The following FHIT variants were observed in gnomAD, a reference collection of about 807,000 sequenced individuals.
The protein encoded by FHIT is bis(5'-adenosyl)-triphosphatase.
A neutral mutation model predicts 17.9 loss-of-function variants in FHIT; 19 were observed. That is an observed-to-expected ratio of 1.06 (90% CI 0.74 to 1.56). FHIT has a LOEUF of 1.56. Among genes scored for constraint, FHIT ranks in the 40% most tolerant of loss-of-function variants. The probability of loss-of-function intolerance (pLI) is 0.00; values close to 1 mark genes in which losing one functional copy is unlikely to be tolerated. For missense variants in FHIT, 248 were observed against 189.2 expected (o/e 1.31, Z -1.82); for synonymous variants, 81 against 69.7 (o/e 1.16, Z -0.81).
intron 8 of FHIT, among the ~76,000 whole-genome samples, chr3:59,788,875 T>G (rs1397732380): frequency 7.9e-6 from 1 of 127,320 alleles, no homozygotes; most frequent in Admixed American, 8.5e-5. Flanking sequence ...TTTGCTGAGT[T>G]CATATGTTTT....
chr3:60,609,836 T>C (rs1448792989), intron 4 of FHIT, among the ~76,000 whole-genome samples: 4 of 152,170 alleles, frequency 2.6e-5, no homozygotes, highest in African/African-American at 7.2e-5. Flanking sequence ...GAGTTCCTGC[T>C]ATCTCAACAA....
At chr3:59,977,303 T>A (rs1708457543) in intron 7 of FHIT, among the ~76,000 whole-genome samples, 1 of 152,146 alleles carries the variant, frequency 6.6e-6, no homozygotes, top group Non-Finnish European at 1.5e-5. Flanking sequence ...AGGCCTCTTT[T>A]CAAGCTACTT....
chr3:60,887,284 G>C (rs1553759477), intron 3 of FHIT, among the ~76,000 whole-genome samples: 1 of 152,028 alleles, frequency 6.6e-6, no homozygotes, highest in East Asian at 1.9e-4. Context: ...CTTTTGTTTT[G>C]TTTTGTTTTT....
chr3:60,576,964 A>ACG (rs2037589505), intron 4 of FHIT, among the ~76,000 whole-genome samples: 1 of 151,490 alleles, frequency 6.6e-6, no homozygotes, highest in African/African-American at 2.4e-5. Flanking sequence ...ACACACACAC[A>ACG]CACACACACA....
At position 60,991,990 on chromosome 3, in the gene FHIT, T is replaced by C. The variant is rs184686679; in HGVS notation, c.-111+50057A>G. Among the ~76,000 whole-genome samples the C allele has an allele frequency of 7.9e-5, 12 of 152,216 alleles. No homozygotes were observed. In the East Asian group the frequency reaches 2.3e-3, roughly 29 times the overall value. On this transcript the variant is annotated intron_variant, in intron 3 of 9. Transcript: ENST00000492590. ...TCACCTCTTTAATGTCCTGAAGACA[T>C]TAGGTAGAATCTAGACCAAAACAGA...
At chr3:60,364,154 T>C (rs986800035) in intron 5 of FHIT, among the ~76,000 whole-genome samples, 1 of 152,248 alleles carries the variant, frequency 6.6e-6, no homozygotes, top group Non-Finnish European at 1.5e-5. Context: ...GGAACTCTGA[T>C]ACAGCCTTTC....
chr3:60,959,488 G>T (rs113460786), intron 3 of FHIT, among the ~76,000 whole-genome samples: 70 of 152,288 alleles, frequency 4.6e-4, no homozygotes, highest in Middle Eastern at 3.4e-3. Context: ...ATTATATGTG[G>T]TTTCTGAACA....
intron 8 of FHIT, among the ~76,000 whole-genome samples, chr3:59,770,756 G>A (rs2106829754): frequency 6.6e-6 from 1 of 152,264 alleles, no homozygotes. Flanking sequence ...AGATGCCAAG[G>A]CTCAGAAAAG....
At chr3:60,735,595 A>G (rs192557884) in intron 4 of FHIT, among the ~76,000 whole-genome samples, 1 of 152,372 alleles carries the variant, frequency 6.6e-6, no homozygotes, top group East Asian at 1.9e-4. Flanking sequence ...TCTAACCACT[A>G]CAAAGTGAGA....
intron 5 of FHIT, among the ~76,000 whole-genome samples, chr3:60,066,140 G>A (rs1015763516): frequency 6.6e-6 from 1 of 152,104 alleles, no homozygotes; most frequent in Non-Finnish European, 1.5e-5. Context: ...GGATGGGATG[G>A]TGGGGATAGT....
intron 5 of FHIT, among the ~76,000 whole-genome samples, chr3:60,189,398 T>G (rs1027866776): frequency 1.4e-4 from 21 of 152,166 alleles, no homozygotes; most frequent in African/African-American, 4.6e-4. Flanking sequence ...ATGTTTTAAT[T>G]TGAGTATCAT....
At chr3:59,829,635 G>A (rs991806660) in intron 8 of FHIT, among the ~76,000 whole-genome samples, 7 of 152,126 alleles carry the variant, frequency 4.6e-5, no homozygotes, top group Non-Finnish European at 7.3e-5. Context: ...TCCATTTCCT[G>A]TTCCCTTGCA....
At chr3:59,948,348 CAA>C (rs35941668) in intron 7 of FHIT, among the ~76,000 whole-genome samples, 5,887 of 116,382 alleles carry the variant, frequency 0.051, 276 homozygotes, top group African/African-American at 0.14. Flanking sequence ...ACTAAAAATA[CAA>C]AAAAAAAAAA....
intron 4 of FHIT, among the ~76,000 whole-genome samples, chr3:60,584,368 C>T (rs1040604674): frequency 6.6e-6 from 1 of 152,096 alleles, no homozygotes; most frequent in Admixed American, 6.6e-5. Flanking sequence ...AACAGACAAA[C>T]TCCTCTTAGA....
chr3:60,073,294 T>C (rs940878600), intron 5 of FHIT, among the ~76,000 whole-genome samples: 6 of 151,828 alleles, frequency 4.0e-5, no homozygotes, highest in Non-Finnish European at 7.4e-5. Flanking sequence ...ATTTTAAGTC[T>C]GTATATAACA....
chr3:61,187,800 T>A (rs546253469), intron 2 of FHIT, among the ~76,000 whole-genome samples: 1 of 152,306 alleles, frequency 6.6e-6, no homozygotes, highest in African/African-American at 2.4e-5. Context: ...CTCAATTACA[T>A]GGAAACTGAA....
intron 4 of FHIT, among the ~76,000 whole-genome samples, chr3:60,745,202 T>C (rs1288245467): frequency 1.3e-5 from 2 of 152,250 alleles, no homozygotes; most frequent in Admixed American, 6.5e-5. Context: ...TAGGAGGCTC[T>C]ATTACAAAGA....
At chr3:60,998,725 C>T (rs2030847927) in intron 3 of FHIT, among the ~76,000 whole-genome samples, 1 of 152,034 alleles carries the variant, frequency 6.6e-6, no homozygotes, top group African/African-American at 2.4e-5. Flanking sequence ...TCTTTTAATG[C>T]ATTTACATTT....
chr3:60,617,133 A>T, intron 4 of FHIT: 1 of 218,870 alleles, frequency 4.6e-6, no homozygotes, highest in South Asian at 7.9e-5. Context: ...GTTCCAAAGG[A>T]GCTAGCAAAG....
Sources: allele counts gnomAD v4.1 joint callset (sites outside exome capture counted in the v4.1 genomes callset), GRCh38; gene constraint gnomAD v4.1.1; transcripts MANE v1.5; gene names NCBI Gene and HGNC (gene_info 2026-07-23, HGNC 2026-07-21).